Variants in ARHGAP21 observed in about 807,000 individuals in gnomAD.
ARHGAP21 encodes the protein rho GTPase-activating protein 21.
Under a neutral mutation model 164.6 loss-of-function variants are expected in ARHGAP21, and 38 were observed. The ratio of observed to expected loss-of-function variants is 0.23; its 90% CI spans 0.18 to 0.30. The LOEUF (loss-of-function observed/expected upper bound fraction) is 0.30, where lower values mean the gene tolerates loss of function less well. Among genes scored for constraint, ARHGAP21 ranks in the 10% least tolerant of loss-of-function variants. The pLI is 1.00. For missense variants in ARHGAP21, 1,822 were observed against 2,370.7 expected (o/e 0.77, Z 4.81); for synonymous variants, 766 against 857.9 (o/e 0.89, Z 1.87).
At chr10:24,699,979 G>A (rs1843509747) in intron 2 of ARHGAP21, among the ~76,000 whole-genome samples, 1 of 152,126 alleles carries the variant, frequency 6.6e-6, no homozygotes, top group Non-Finnish European at 1.5e-5. Context: ...GCAGAGAGAG[G>A]TGTTTTTTTT....
intron 7 of ARHGAP21, among the ~76,000 whole-genome samples, chr10:24,625,299 G>GCAAAAAAAAAAAAAAAAAAAAAAAAAC: frequency 1.9e-5 from 1 of 53,798 alleles, no homozygotes; most frequent in Non-Finnish European, 3.4e-5. Context: ...ATGAAACAGA[G>GCAAAAAAAAAAAAAAAAAAAAAAAAAC]AAAAAAAAAA....
chr10:24,620,423 T>C lies in ARHGAP21; in HGVS notation c.1472A>G (p.His491Arg), dbSNP rs1431350800. 4 of 1,611,532 alleles carry C rather than the reference T, an allele frequency of 2.5e-6. No homozygotes were observed. The highest frequency in any genetic ancestry group is 3.3e-5 in the Admixed American group (2 of 59,826). ...LTSPSVSFSNHRTRSWDYIEG... is the reference protein window; with the variant it reads ...LTSPSVSFSNRRTRSWDYIEG... ...AATATAATCCCATGAACGAGTTCTA[T>C]GATTACTAAAACTAACAGATGGAGA... Residue 491 changes from histidine to arginine, a missense_variant, in exon 9 of 26, where the codon CAT becomes CGT. Coordinates refer to ENST00000396432, the MANE Select transcript of ARHGAP21 (RefSeq NM_020824.4).
intron 2 of ARHGAP21, among the ~76,000 whole-genome samples, chr10:24,720,079 A>G (rs1845779907): frequency 1.3e-5 from 2 of 152,202 alleles, no homozygotes; most frequent in Admixed American, 6.5e-5. Flanking sequence ...CTTAAAAACA[A>G]GATAGCCATG....
intron 21 of ARHGAP21, among the ~76,000 whole-genome samples, chr10:24,593,955 G>T (rs1352678567): frequency 6.6e-6 from 1 of 151,544 alleles, no homozygotes; most frequent in African/African-American, 2.4e-5. Context: ...TAAGCTTCTT[G>T]ATTTGCAGGT....
chr10:24,666,823 G>A (rs897949218), intron 4 of ARHGAP21, among the ~76,000 whole-genome samples, 162 bp downstream of exon 4: 1 of 151,982 alleles, frequency 6.6e-6, no homozygotes, highest in African/African-American at 2.4e-5. Flanking sequence ...ATAAAACTTT[G>A]AAGTCCACAG....
Position 24,590,767 on chromosome 10 carries a change from T to G in ARHGAP21, c.4150+458A>C, listed in dbSNP as rs1212620378. The stretch of plus-strand genomic sequence containing the variant: ...TATGAAAATGTATTTATGAAAATGG[T>G]GCCCATTACCAGTTCAACAGATTTA... On this transcript the variant is annotated intron_variant, in intron 24 of 25. Coordinates refer to ENST00000396432, the MANE Select transcript of ARHGAP21 (RefSeq NM_020824.4). 3.0e-6 allele frequency: 3 copies of G among 985,126 alleles called. No homozygotes were observed. The African/African-American group carries it at 5.2e-5, about 17-fold the overall frequency. 61.0% of individuals were successfully genotyped at this position (985,126 alleles called of 1,614,324 possible).
intron 9 of ARHGAP21, among the ~76,000 whole-genome samples, chr10:24,617,672 T>C (rs1834096782): frequency 8.1e-6 from 1 of 124,030 alleles, no homozygotes; most frequent in East Asian, 2.0e-4. Flanking sequence ...CCTATCCAAT[T>C]AAGTGTTTTC....
At chr10:24,656,398 C>A (rs1347078068) in intron 4 of ARHGAP21, among the ~76,000 whole-genome samples, 1 of 94,122 alleles carries the variant, frequency 1.1e-5, no homozygotes, top group Non-Finnish European at 2.2e-5. Context: ...GTGGGGGGGT[C>A]AGCCCTCCGC....
chr10:24,590,186 T>C, intron 24 of ARHGAP21: 1 of 1,419,070 alleles, frequency 7.0e-7, no homozygotes, highest in South Asian at 1.6e-5. Context: ...TTTATGACTT[T>C]AAGAACTGGT....
rs199818273 is a variant in ARHGAP21, at chr10:24,702,980, T to TAC, written c.63+18855_63+18856dup. Among the ~76,000 whole-genome samples, 228 of 152,222 alleles carry TAC rather than the reference T, an allele frequency of 1.5e-3. 5 individuals are homozygous for TAC. In the East Asian group the frequency reaches 0.037, roughly 25 times the overall value. On this transcript the variant is annotated intron_variant, in intron 2 of 25. Transcript: ENST00000396432. ...AACAGATAAATGGTTTCAATATATA[T>TAC]ACACACACACATAATACATAGTTTA...
At chr10:24,689,949 T>C (rs1289191637) in intron 2 of ARHGAP21, among the ~76,000 whole-genome samples, 3 of 57,914 alleles carry the variant, frequency 5.2e-5, no homozygotes. Flanking sequence ...TATGTATATG[T>C]GTGTGTGTGT....
At chr10:24,641,289 CTTTG>C (rs754467954) in intron 4 of ARHGAP21, among the ~76,000 whole-genome samples, 37 of 152,218 alleles carry the variant, frequency 2.4e-4, no homozygotes, top group African/African-American at 7.0e-4. Context: ...ATTATTAGTC[CTTTG>C]TTTGTTTGTT....
In ARHGAP21 at chr10:24,586,090, C is replaced by T. The variant is rs1196595019; in HGVS notation, c.4199G>A (p.Gly1400Glu). 1 of 1,594,412 alleles carries T rather than the reference C, an allele frequency of 6.3e-7. No individual in the cohort carries two copies. The highest frequency in any genetic ancestry group is 1.8e-5 in the Admixed American group (1 of 55,908). Residue 1400 changes from glycine (G) to glutamate (E), a missense_variant, in exon 26 of 26, where the codon GGA (glycine) becomes GAA (glutamate). Coordinates refer to ENST00000396432, the MANE Select transcript of ARHGAP21 (RefSeq NM_020824.4). ...STKSKGSWGS[G>E]KDQYSRELLV... Reference sequence around the variant, plus strand: ...CAGTTCCCTGCTATACTGATCCTTTCCAGATCCCCAAGAACCCTGGGAAGC... The same window carrying T: ...CAGTTCCCTGCTATACTGATCCTTTTCAGATCCCCAAGAACCCTGGGAAGC...
chr10:24,721,721 G>A, intron 2 of ARHGAP21, 116 bp downstream of exon 2: 1 of 1,234,440 alleles, frequency 8.1e-7, no homozygotes, highest in Admixed American at 2.0e-5. Context: ...CCGCCAACAG[G>A]CTCAAAGCCC....
chr10:24,609,924 G>A (rs2077181751), intron 9 of ARHGAP21, among the ~76,000 whole-genome samples: 1 of 152,148 alleles, frequency 6.6e-6, no homozygotes, highest in South Asian at 2.1e-4. Context: ...AAAATATTCT[G>A]TTAGATGAAA....
At chr10:24,599,744 TA>T (rs773862594) in intron 14 of ARHGAP21, among the ~76,000 whole-genome samples, 3 of 152,222 alleles carry the variant, frequency 2.0e-5, no homozygotes, top group Non-Finnish European at 4.4e-5. Flanking sequence ...ATACATACTT[TA>T]AAAACTATCT....
chr10:24,714,781 T>G (rs1845192908), intron 2 of ARHGAP21, among the ~76,000 whole-genome samples: 1 of 152,134 alleles, frequency 6.6e-6, no homozygotes, highest in South Asian at 2.1e-4. Flanking sequence ...ACGCCTGTAA[T>G]CCTAGCACTT....
intron 17 of ARHGAP21, 139 bp from the exon 18 acceptor site, chr10:24,596,182 T>G (rs920908726): frequency 1.1e-5 from 8 of 697,768 alleles, no homozygotes; most frequent in Non-Finnish European, 1.8e-5. Context: ...ACATTATAGA[T>G]CTGGGAATAG....
In ARHGAP21 at chr10:24,627,373, G is replaced by T. The variant is rs371812734; in HGVS notation, c.495+2623C>A. Among the ~76,000 whole-genome samples the T allele has an allele frequency of 8.5e-5, 13 of 152,254 alleles. No homozygotes were observed. In the East Asian group the frequency reaches 1.3e-3, roughly 16 times the overall value. On this transcript the variant is annotated intron_variant, in intron 7 of 25. Coordinates refer to ENST00000396432, the MANE Select transcript of ARHGAP21 (RefSeq NM_020824.4). Reference sequence around the variant, plus strand: ...ATAAGTACTTCTGAAGTACATTAAAGAACATTTTAACTCTGGAATATATGT... The same window carrying T: ...ATAAGTACTTCTGAAGTACATTAAATAACATTTTAACTCTGGAATATATGT...
Sources: allele counts gnomAD v4.1 joint callset (sites outside exome capture counted in the v4.1 genomes callset), GRCh38; gene constraint gnomAD v4.1.1; transcripts MANE v1.5; gene names NCBI Gene and HGNC (gene_info 2026-07-23, HGNC 2026-07-21).